Variants in EFCAB6 observed in about 807,000 individuals in gnomAD.
EFCAB6 encodes the protein EF-hand calcium-binding domain-containing protein 6.
Under a neutral mutation model 169.8 loss-of-function variants are expected in EFCAB6, and 156 were observed. The observed-to-expected ratio is 0.92, with a 90% CI of 0.81 to 1.05. EFCAB6 has a LOEUF of 1.05. Among genes scored for constraint, EFCAB6 ranks in the 50% least tolerant of loss-of-function variants. The pLI is 0.00. For synonymous variants in EFCAB6, 698 were observed against 676.4 expected, an observed-to-expected ratio of 1.03 and a Z score of -0.50; for missense variants, 1,800 against 1,829.1, an observed-to-expected ratio of 0.98 and a Z score of 0.29.
intron 22 of EFCAB6, among the ~76,000 whole-genome samples, chr22:43,604,522 T>C (rs1302832003): frequency 6.6e-6 from 1 of 152,216 alleles, no homozygotes; most frequent in Non-Finnish European, 1.5e-5. Flanking sequence ...CGCATCCCAC[T>C]GAATCTTCCC....
At position 43,554,929 on chromosome 22, in the gene EFCAB6, G is replaced by A. The variant is rs773549954; in HGVS notation, c.3588C>T (p.Ile1196=). Residue 1196 remains isoleucine, a synonymous_variant, in exon 27 of 32, where the codon ATC becomes ATT. Coordinates refer to ENST00000262726, the MANE Select transcript of EFCAB6 (RefSeq NM_022785.4). The part of the protein sequence containing the change: ...ENFDTMKTNT[I]SREEFRAICN... ...AAATGGCCCTAAACTCCTCTCTGGA[G>A]ATGGTGTTCGTTTTCATGGTGTCAA... 2 of 1,614,164 alleles carry A rather than the reference G, an allele frequency of 1.2e-6. No individual in the cohort carries two copies. The highest frequency in any genetic ancestry group is 1.7e-6 in the Non-Finnish European group (2 of 1,180,026).
chr22:43,665,990 G>A lies in EFCAB6; in HGVS notation c.1983+1114C>T, dbSNP rs189569489. Reference sequence around the variant, plus strand: ...TTTAGTAGAGATGGGGTTTCGCCACGTTGGCTAGGCTGGTCTTGAACTCCT... The same window carrying A: ...TTTAGTAGAGATGGGGTTTCGCCACATTGGCTAGGCTGGTCTTGAACTCCT... On this transcript the variant is annotated intron_variant, in intron 17 of 31. Transcript: ENST00000262726. Among the ~76,000 whole-genome samples, 21 of 152,246 alleles carry A rather than the reference G, an allele frequency of 1.4e-4. 1 individual carries two copies. The East Asian group carries it at 2.1e-3, about 15-fold the overall frequency.
chr22:43,759,624 G>T (rs2147889026), intron 5 of EFCAB6: 1 of 152,290 alleles, frequency 6.6e-6, no homozygotes, highest in Non-Finnish European at 1.5e-5. Context: ...TATTATAGAT[G>T]ATACAAGGTC....
intron 30 of EFCAB6, 93 bp from the exon 31 acceptor site, chr22:43,531,057 C>G (rs956576858): frequency 1.4e-4 from 209 of 1,541,390 alleles, no homozygotes; most frequent in Non-Finnish European, 1.7e-4. Context: ...TCGCCCAGCC[C>G]TGCTCCGGCT....
At chr22:43,717,439 T>C (rs2059372154) in intron 8 of EFCAB6, among the ~76,000 whole-genome samples, 1 of 150,400 alleles carries the variant, frequency 6.6e-6, no homozygotes, top group African/African-American at 2.4e-5. Context: ...ATTGTTAATA[T>C]ACATGAGAAA....
chr22:43,542,494 C>T (rs541948493), intron 27 of EFCAB6, among the ~76,000 whole-genome samples: 1 of 152,268 alleles, frequency 6.6e-6, no homozygotes, highest in Non-Finnish European at 1.5e-5. Flanking sequence ...ACGAGAGAAT[C>T]GCTTGAACCT....
At chr22:43,544,621 T>A (rs1389389429) in intron 27 of EFCAB6, among the ~76,000 whole-genome samples, 1 of 152,034 alleles carries the variant, frequency 6.6e-6, no homozygotes, top group Admixed American at 6.5e-5. Flanking sequence ...CCTGGTGGGG[T>A]TGGGTTTCTC....
intron 19 of EFCAB6, among the ~76,000 whole-genome samples, chr22:43,631,779 A>C (rs2054962690): frequency 6.6e-6 from 1 of 152,026 alleles, no homozygotes; most frequent in Non-Finnish European, 1.5e-5. Flanking sequence ...TGGATGAGGG[A>C]ATCAATGAGG....
chr22:43,730,245 A>G (rs7510614), intron 8 of EFCAB6, among the ~76,000 whole-genome samples: 9 of 346 alleles, frequency 0.026, no homozygotes, highest in East Asian at 0.071. Context: ...GAAGGATGGA[A>G]GGAGGGAAGG....
At chr22:43,716,665 T>A (rs1199986804) in intron 9 of EFCAB6, 183 bp downstream of exon 9, 15 of 562,708 alleles carry the variant, frequency 2.7e-5, no homozygotes, top group Admixed American at 2.6e-4. Flanking sequence ...CACATCACCA[T>A]CACGATTATC....
At chr22:43,648,519 C>T (rs1419266731) in intron 17 of EFCAB6, among the ~76,000 whole-genome samples, 1 of 152,148 alleles carries the variant, frequency 6.6e-6, no homozygotes, top group African/African-American at 2.4e-5. Flanking sequence ...AGTACACAGA[C>T]ACAATGATGA....
At chr22:43,789,883 A>ACAC (rs61135895) in intron 2 of EFCAB6, among the ~76,000 whole-genome samples, 1 of 151,038 alleles carries the variant, frequency 6.6e-6, no homozygotes, top group Non-Finnish European at 1.5e-5. Flanking sequence ...ACACACACAC[A>ACAC]AAAGTCTTCC....
At chr22:43,585,499 C>T (rs115269536) in intron 24 of EFCAB6, among the ~76,000 whole-genome samples, 21 of 152,176 alleles carry the variant, frequency 1.4e-4, no homozygotes, top group African/African-American at 5.1e-4. Context: ...ATGTGTAACA[C>T]CTGCATCATT....
intron 30 of EFCAB6, among the ~76,000 whole-genome samples, chr22:43,532,982 C>T (rs1324369458): frequency 1.3e-5 from 2 of 152,228 alleles, no homozygotes; most frequent in Non-Finnish European, 2.9e-5. Context: ...CTCAATTCAA[C>T]GTTAATTCAG....
At chr22:43,545,887 G>T (rs2048028941) in intron 27 of EFCAB6, among the ~76,000 whole-genome samples, 1 of 152,120 alleles carries the variant, frequency 6.6e-6, no homozygotes, top group Non-Finnish European at 1.5e-5. Flanking sequence ...GGCCCCTCAG[G>T]ATTTCCCCCA....
intron 15 of EFCAB6, among the ~76,000 whole-genome samples, chr22:43,670,855 A>G (rs951972973): frequency 2.0e-5 from 3 of 152,236 alleles, no homozygotes; most frequent in Non-Finnish European, 4.4e-5. Context: ...ACATAGCTGG[A>G]GCTGAGACCA....
intron 17 of EFCAB6, among the ~76,000 whole-genome samples, chr22:43,658,896 C>G (rs73887377): frequency 6.2e-4 from 94 of 152,314 alleles, no homozygotes; most frequent in African/African-American, 2.1e-3. Flanking sequence ...CACTCCTCCC[C>G]CAACACACAC....
chr22:43,678,357 G>C (rs998427802), intron 12 of EFCAB6, among the ~76,000 whole-genome samples, 194 bp from the exon 13 acceptor site: 2 of 146,256 alleles, frequency 1.4e-5, no homozygotes, highest in Non-Finnish European at 3.0e-5. Flanking sequence ...GTGTGTGTGT[G>C]TGTGTGTGTA....
chr22:43,648,133 T>C (rs1414034528), intron 17 of EFCAB6, among the ~76,000 whole-genome samples: 1 of 152,098 alleles, frequency 6.6e-6, no homozygotes, highest in Admixed American at 6.5e-5. Context: ...ATATCATATG[T>C]ATATGATATA....
Sources: allele counts gnomAD v4.1 joint callset (sites outside exome capture counted in the v4.1 genomes callset), GRCh38; gene constraint gnomAD v4.1.1; transcripts MANE v1.5; gene names NCBI Gene and HGNC (gene_info 2026-07-23, HGNC 2026-07-21).